CERS6: variants seen among roughly 807,000 people sequenced by gnomAD.
CERS6 encodes ceramide synthase 6, also known as LAG1 homolog, ceramide synthase 6.
In CERS6, 26 loss-of-function variants were observed where a neutral mutation model predicts 56.8. That is an observed-to-expected ratio of 0.46 (90% CI 0.34 to 0.63). CERS6 has a LOEUF of 0.63. Ranked by LOEUF, CERS6 falls within the 30% of genes least tolerant of loss-of-function variation. CERS6 has a pLI of 0.01. For synonymous variants in CERS6, 164 were observed against 173.3 expected (o/e 0.95, Z 0.42); for missense variants, 415 against 467.5 (o/e 0.89, Z 1.04).
At chr2:168,767,058 A>T (rs1684748244) in intron 9 of CERS6, among the ~76,000 whole-genome samples, 1 of 152,258 alleles carries the variant, frequency 6.6e-6, no homozygotes, top group Non-Finnish European at 1.5e-5. Context: ...TGTCAATATG[A>T]TAACAATAAC....
At chr2:168,659,197 A>G (rs1157174193) in intron 4 of CERS6, among the ~76,000 whole-genome samples, 1 of 151,544 alleles carries the variant, frequency 6.6e-6, no homozygotes, top group East Asian at 1.9e-4. Flanking sequence ...GATTTTGTCA[A>G]CCTTGCCTTC....
intron 4 of CERS6, among the ~76,000 whole-genome samples, chr2:168,685,581 T>C (rs919835566): frequency 2.6e-5 from 4 of 152,166 alleles, no homozygotes; most frequent in African/African-American, 9.7e-5. Flanking sequence ...AAGAAGATAC[T>C]GGATGAAAGA....
At chr2:168,552,220 G>C (rs1367150656) in intron 2 of CERS6, among the ~76,000 whole-genome samples, 2 of 151,484 alleles carry the variant, frequency 1.3e-5, no homozygotes, top group East Asian at 1.9e-4. Flanking sequence ...ATTAACCTAG[G>C]TGTTTGTAAT....
intron 6 of CERS6, among the ~76,000 whole-genome samples, chr2:168,712,106 A>G (rs183779017): frequency 8.7e-4 from 132 of 152,312 alleles, no homozygotes; most frequent in African/African-American, 3.0e-3. Context: ...CCAGGGCAGG[A>G]GCCATGAGAG....
intron 3 of CERS6, among the ~76,000 whole-genome samples, chr2:168,577,857 A>G (rs1683315634): frequency 6.6e-6 from 1 of 152,160 alleles, no homozygotes; most frequent in Admixed American, 6.5e-5. Context: ...CTGGAGGTGT[A>G]TTGATTAATT....
At chr2:168,513,761 G>C (rs1424170077) in intron 1 of CERS6, among the ~76,000 whole-genome samples, 1 of 152,096 alleles carries the variant, frequency 6.6e-6, no homozygotes, top group Admixed American at 6.5e-5. Flanking sequence ...CTTAAGGAAT[G>C]GTTTCTCTTC....
At chr2:168,764,335 C>T (rs1326605851) in intron 8 of CERS6, among the ~76,000 whole-genome samples, 1 of 151,906 alleles carries the variant, frequency 6.6e-6, no homozygotes, top group Admixed American at 6.6e-5. Flanking sequence ...ATAGAGACGG[C>T]GTTGCACCAT....
At chr2:168,673,988 A>G (rs1685988612) in intron 4 of CERS6, among the ~76,000 whole-genome samples, 1 of 152,188 alleles carries the variant, frequency 6.6e-6, no homozygotes, top group Non-Finnish European at 1.5e-5. Flanking sequence ...CTCCTAGGAT[A>G]TGAGTTTGGG....
chr2:168,561,167 A>G (rs1558998532), intron 2 of CERS6, 25 bp from the exon 3 acceptor site: 1 of 1,612,396 alleles, frequency 6.2e-7, no homozygotes, highest in African/African-American at 1.3e-5. Context: ...ATTGAAAATT[A>G]TTTTTCTGGT....
At chr2:168,663,670 CTTA>C (rs1423146106) in intron 4 of CERS6, among the ~76,000 whole-genome samples, 1 of 152,026 alleles carries the variant, frequency 6.6e-6, no homozygotes, top group Non-Finnish European at 1.5e-5. Flanking sequence ...TGCCTTTTCA[CTTA>C]TTATATGGTA....
intron 1 of CERS6, among the ~76,000 whole-genome samples, chr2:168,474,070 A>G (rs1226223988): frequency 6.6e-6 from 1 of 152,218 alleles, no homozygotes; most frequent in East Asian, 1.9e-4. Context: ...TCTCTCAAAA[A>G]AACAAAAGAA....
In CERS6 at chr2:168,486,518, G is replaced by GTTTTTTTTTTTTTTTTTTTTTTTTTTT. The variant is rs1491580943; in HGVS notation, c.170+29900_170+29901insTTTTTTTTTTTTTTTTTTTTTTTTTTT. The stretch of plus-strand genomic sequence containing the variant: ...ATTTTTGTTAAAGGTGTCTAGATTT[G>GTTTTTTTTTTTTTTTTTTTTTTTTTTT]GTTTTGTTTTTTTTTTTTTTGCCTA... On this transcript the variant is annotated intron_variant, in intron 1 of 9. Transcript: ENST00000305747. Among the ~76,000 whole-genome samples the GTTTTTTTTTTTTTTTTTTTTTTTTTTT allele has an allele frequency of 9.1e-4, 124 of 136,264 alleles. 6 individuals are homozygous for GTTTTTTTTTTTTTTTTTTTTTTTTTTT. Among genetic ancestry groups the GTTTTTTTTTTTTTTTTTTTTTTTTTTT allele is most frequent in the East Asian group, 4.9e-3 (22 of 4,510 alleles). 89.4% of individuals were successfully genotyped at this position (136,264 alleles called of 152,430 possible). A position where few individuals can be genotyped will look rare whatever the true frequency, so the allele number is the denominator to read the frequency against.
intron 4 of CERS6, among the ~76,000 whole-genome samples, chr2:168,681,668 A>G (rs758423698): frequency 6.6e-6 from 1 of 152,154 alleles, no homozygotes; most frequent in African/African-American, 2.4e-5. Context: ...CTTCCAGCTA[A>G]TTGAAAATAC....
At chr2:168,724,634 T>C (rs978843079) in intron 8 of CERS6, among the ~76,000 whole-genome samples, 10 of 152,152 alleles carry the variant, frequency 6.6e-5, no homozygotes, top group East Asian at 3.9e-4. Context: ...ACATAAAGGT[T>C]CTCCAAGGCC....
intron 6 of CERS6, among the ~76,000 whole-genome samples, chr2:168,703,555 C>T (rs1411036805): frequency 6.6e-6 from 1 of 152,086 alleles, no homozygotes; most frequent in African/African-American, 2.4e-5. Flanking sequence ...CAGACTCCAT[C>T]TCAAAAAACA....
In CERS6 at chr2:168,484,167, G is replaced by GTTTTTTTTTTTT. The variant is rs34492119; in HGVS notation, c.170+27569_170+27580dup. ...TTTTCTTTTTCTTTTTCTTTTTTCT[G>GTTTTTTTTTTTT]TTTTTTTTTTTTTTTTTTTTTTTTT... On this transcript the variant is annotated intron_variant, in intron 1 of 9. Coordinates refer to ENST00000305747, the MANE Select transcript of CERS6 (RefSeq NM_203463.3). 5.8e-5 allele frequency among the ~76,000 whole-genome samples: 3 copies of GTTTTTTTTTTTT among 51,610 alleles called. 1 individual carries two copies. The highest frequency in any genetic ancestry group is 1.1e-4 in the Non-Finnish European group (3 of 27,050). 33.9% of individuals were successfully genotyped at this position (51,610 alleles called of 152,430 possible).
chr2:168,690,971 A>G (rs562585246), intron 4 of CERS6, 63 bp from the exon 5 acceptor site: 1 of 1,461,340 alleles, frequency 6.8e-7, no homozygotes, highest in East Asian at 2.3e-5. Flanking sequence ...CCTATTGTAA[A>G]CCTTTTTTAT....
chr2:168,629,609 A>G (rs991597594), intron 3 of CERS6, among the ~76,000 whole-genome samples: 1 of 152,196 alleles, frequency 6.6e-6, no homozygotes, highest in Non-Finnish European at 1.5e-5. Flanking sequence ...CCCTTGTTCA[A>G]CAACTATTAA....
At chr2:168,574,108 C>T (rs1048894154) in intron 3 of CERS6, among the ~76,000 whole-genome samples, 4 of 152,156 alleles carry the variant, frequency 2.6e-5, no homozygotes, top group African/African-American at 9.7e-5. Context: ...TGTTTCCTCT[C>T]CCATTTTAGT....
Sources: gnomAD v4.1 joint callset for allele counts (sites outside exome capture counted in the v4.1 genomes callset) on GRCh38, gnomAD v4.1.1 for gene constraint, MANE v1.5 for transcripts, NCBI Gene and HGNC (gene_info 2026-07-23, HGNC 2026-07-21) for gene names.